Variants in CACNA1S observed in about 807,000 individuals in gnomAD.
CACNA1S encodes calcium voltage-gated channel subunit alpha1 S.
CACNA1S carries 126 observed loss-of-function variants against 207.4 expected under a neutral mutation model. The ratio of observed to expected loss-of-function variants is 0.61; its 90% confidence interval spans 0.53 to 0.70. The LOEUF is 0.70. Among genes scored for constraint, CACNA1S ranks in the 30% least tolerant of loss-of-function variants. The pLI is 0.00. For missense variants in CACNA1S, 2,349 were observed against 2,422.8 expected (o/e 0.97, Z 0.64); for synonymous variants, 960 against 932.7 (o/e 1.03, Z -0.53).
chr1:201,073,705 A>AAGGTGTTGTCAGGTT, intron 14 of CACNA1S, 63 bp from the exon 15 acceptor site: 1 of 1,294,156 alleles, frequency 7.7e-7, no homozygotes, highest in Non-Finnish European at 1.1e-6. Context: ...GCTGAACCTG[A>AAGGTGTTGTCAGGTT]CAACACCTTC....
intron 18 of CACNA1S, 62 bp from the exon 19 acceptor site, chr1:201,069,258 G>T: frequency 6.6e-7 from 1 of 1,512,044 alleles, no homozygotes; most frequent in Non-Finnish European, 9.2e-7. Flanking sequence ...AGTATCAGCA[G>T]CAGCAGCAGC....
At chr1:201,042,805 C>A (rs76027489) in intron 40 of CACNA1S, 2 of 179,320 alleles carry the variant, frequency 1.1e-5, no homozygotes, top group African/African-American at 2.4e-5. Context: ...AGTTCTCCCC[C>A]TCATCCTGCT....
chr1:201,052,702 G>C (rs920380310), intron 31 of CACNA1S, 54 bp from the exon 32 acceptor site: 1 of 1,427,192 alleles, frequency 7.0e-7, no homozygotes, highest in Non-Finnish European at 9.9e-7. Context: ...TGTCCCCTCA[G>C]CTTATCCCCC....
intron 40 of CACNA1S, 58 bp downstream of exon 40, chr1:201,043,223 C>T (rs1267942919): frequency 1.2e-6 from 2 of 1,612,026 alleles, no homozygotes; most frequent in African/African-American, 2.7e-5. Context: ...AACCTGGAAC[C>T]TGCTGACATT....
intron 38 of CACNA1S, among the ~76,000 whole-genome samples, chr1:201,046,180 T>TATTC (rs1660463807): frequency 6.6e-6 from 1 of 151,916 alleles, no homozygotes; most frequent in African/African-American, 2.4e-5. Context: ...ATTTATTATT[T>TATTC]ATTTATTTAT....
At chr1:201,099,423 G>T (rs1662559414) in intron 2 of CACNA1S, among the ~76,000 whole-genome samples, 3 of 152,190 alleles carry the variant, frequency 2.0e-5, no homozygotes, top group African/African-American at 7.2e-5. Context: ...GGGCTCCCTG[G>T]GAATGTGCAC....
rs1210728236 is a variant in CACNA1S, at chr1:201,066,884, C to T, written c.2657+3G>A. The T allele has an allele frequency of 3.1e-6, 5 of 1,611,628 alleles. No homozygotes were observed. In the South Asian group the frequency reaches 4.4e-5, roughly 14 times the overall value. On this transcript the variant is annotated splice_donor_region_variant and intron_variant, in intron 20 of 43. Coordinates refer to ENST00000362061, the MANE Select transcript of CACNA1S (RefSeq NM_000069.3). This position sits in a 1 kb window ranked among gnomAD's most constrained non-coding sequence, Gnocchi z 4.3. ...CCCAGGGCTGGCCCTTGCCGCTGCT[C>T]ACTCAAGTCCCATGGAGATGAGGGA... is the stretch of plus-strand genomic sequence containing the variant.
At chr1:201,084,098 T>C (rs552806111) in intron 9 of CACNA1S, among the ~76,000 whole-genome samples, 33 of 152,316 alleles carry the variant, frequency 2.2e-4, no homozygotes, top group Admixed American at 2.0e-3. Context: ...TTGCTCTCAA[T>C]AGATAATTTT....
At chr1:201,072,903 T>C (rs1299283286) in intron 15 of CACNA1S, 79 bp from the exon 16 acceptor site, 2 of 1,050,358 alleles carry the variant, frequency 1.9e-6, no homozygotes, top group East Asian at 2.4e-5. Flanking sequence ...CTGGAGAGCC[T>C]GTTAGCGTTC....
At chr1:201,067,552 C>A (rs919790656) in intron 19 of CACNA1S, among the ~76,000 whole-genome samples, 2 of 152,186 alleles carry the variant, frequency 1.3e-5, no homozygotes, top group African/African-American at 4.8e-5. Flanking sequence ...GGGTTGAAAC[C>A]TTTCCCAGCA....
At chr1:201,072,876 C>G in intron 15 of CACNA1S, 52 bp from the exon 16 acceptor site, 9 of 1,410,380 alleles carry the variant, frequency 6.4e-6, no homozygotes, top group Non-Finnish European at 9.0e-6. Flanking sequence ...TTGCGGTTTC[C>G]CCTCAATGAG....
chr1:201,101,043 T>A (rs1455982316), intron 2 of CACNA1S, among the ~76,000 whole-genome samples: 1 of 136,406 alleles, frequency 7.3e-6, no homozygotes, highest in Non-Finnish European at 1.6e-5. Context: ...GCGTTTTACA[T>A]TTCTTTATTT....
At chr1:201,112,121 T>C in intron 1 of CACNA1S, 67 bp downstream of exon 1, 1 of 1,523,722 alleles carries the variant, frequency 6.6e-7, no homozygotes, top group Non-Finnish European at 9.0e-7. Flanking sequence ...GTTTGTGCTC[T>C]GTGATCACCC....
At chr1:201,103,322 G>A (rs989510525) in intron 2 of CACNA1S, among the ~76,000 whole-genome samples, 3 of 152,146 alleles carry the variant, frequency 2.0e-5, no homozygotes, top group Non-Finnish European at 2.9e-5. Context: ...GAGAGTTTAG[G>A]AAGCTGCCAA....
intron 28 of CACNA1S, among the ~76,000 whole-genome samples, chr1:201,057,842 C>T (rs534880346): frequency 1.3e-5 from 2 of 152,286 alleles, no homozygotes; most frequent in African/African-American, 4.8e-5. Context: ...GACTCTAATC[C>T]TCCCACTGCC....
chr1:201,098,259 T>C (rs187077425), intron 2 of CACNA1S, among the ~76,000 whole-genome samples: 232 of 152,296 alleles, frequency 1.5e-3, no homozygotes, highest in African/African-American at 5.5e-3. Flanking sequence ...GTGCAGGCTG[T>C]GGGCAGGTGC....
chr1:201,074,699 T>C, intron 13 of CACNA1S, 79 bp from the exon 14 acceptor site: 7 of 881,308 alleles, frequency 7.9e-6, no homozygotes, highest in Non-Finnish European at 1.3e-5. Flanking sequence ...TGCCTGCATG[T>C]GGGCAGGACC....
At chr1:201,047,280 G>A (rs1276917092) in intron 37 of CACNA1S, 41 bp from the exon 38 acceptor site, 1 of 1,613,708 alleles carries the variant, frequency 6.2e-7, no homozygotes, top group East Asian at 2.2e-5. Context: ...AGGCTAGTGG[G>A]AATCTGACAC....
At chr1:201,040,838 G>A in intron 41 of CACNA1S, 125 bp from the exon 42 acceptor site, 1 of 747,766 alleles carries the variant, frequency 1.3e-6, no homozygotes, top group Non-Finnish European at 2.3e-6. Context: ...CAGGGCTGCA[G>A]AAGGTGTCTT....
Sources: allele counts gnomAD v4.1 joint callset (sites outside exome capture counted in the v4.1 genomes callset), GRCh38; gene constraint gnomAD v4.1.1; non-coding constraint Gnocchi (gnomAD v3.1); transcripts MANE v1.5; gene names NCBI Gene and HGNC (gene_info 2026-07-23, HGNC 2026-07-21).